MKX: variants seen among roughly 807,000 people sequenced by gnomAD.
MKX encodes the protein mohawk homeobox, also known as homeobox protein Mohawk.
In MKX, 13 loss-of-function variants were observed where a neutral mutation model predicts 36.0. The observed-to-expected ratio is 0.36, with a 90% CI of 0.24 to 0.57. MKX has a LOEUF of 0.57. Ranked by LOEUF, MKX falls within the 20% of genes least tolerant of loss-of-function variation. MKX has a pLI of 0.79. For missense variants in MKX, 458 were observed against 456.4 expected (o/e 1.00, Z -0.03); for synonymous variants, 176 against 178.3 (o/e 0.99, Z 0.10).
chr10:27,692,729 T>G (rs1836477502), intron 5 of MKX, among the ~76,000 whole-genome samples: 1 of 152,230 alleles, frequency 6.6e-6, no homozygotes, highest in Admixed American at 6.5e-5. Context: ...TAGTTTCTGC[T>G]GCTCTTGGAA....
chr10:27,694,843 T>G (rs1207707559), intron 5 of MKX, among the ~76,000 whole-genome samples: 2 of 150,316 alleles, frequency 1.3e-5, no homozygotes, highest in African/African-American at 4.9e-5. Flanking sequence ...TACACAAGAG[T>G]AAACAGACTA....
At chr10:27,731,092 C>A (rs1230452473) in intron 5 of MKX, among the ~76,000 whole-genome samples, 2 of 148,756 alleles carry the variant, frequency 1.3e-5, no homozygotes, top group African/African-American at 5.0e-5. Context: ...CGAGATCGTG[C>A]CACTGCACTC....
At chr10:27,740,941 G>T (rs1834878754) in intron 3 of MKX, among the ~76,000 whole-genome samples, 1 of 152,092 alleles carries the variant, frequency 6.6e-6, no homozygotes, top group African/African-American at 2.4e-5. Flanking sequence ...TCAAAGTGGG[G>T]TTCCTCCCTA....
chr10:27,730,611 C>T (rs188816745), intron 5 of MKX, among the ~76,000 whole-genome samples: 2 of 151,860 alleles, frequency 1.3e-5, no homozygotes, highest in African/African-American at 4.8e-5. Flanking sequence ...GCGCCTCCCA[C>T]CACGCTCAGC....
At chr10:27,704,975 G>A (rs936712995) in intron 5 of MKX, among the ~76,000 whole-genome samples, 2 of 152,066 alleles carry the variant, frequency 1.3e-5, no homozygotes, top group African/African-American at 2.4e-5. Flanking sequence ...TCCATAAAGA[G>A]CTGTTCAAAT....
chr10:27,740,137 C>G (rs1183947269), intron 3 of MKX, among the ~76,000 whole-genome samples: 2 of 152,208 alleles, frequency 1.3e-5, no homozygotes, highest in Non-Finnish European at 1.5e-5. Flanking sequence ...GTATTGATAG[C>G]CTGACAATAA....
At chr10:27,682,429 C>G (rs1836269847) in intron 5 of MKX, among the ~76,000 whole-genome samples, 1 of 152,084 alleles carries the variant, frequency 6.6e-6, no homozygotes, top group Non-Finnish European at 1.5e-5. Context: ...AGAGTAATGT[C>G]CTAGGCCTTC....
chr10:27,700,853 T>C (rs1324343642), intron 5 of MKX, among the ~76,000 whole-genome samples: 2 of 152,234 alleles, frequency 1.3e-5, no homozygotes, highest in Non-Finnish European at 2.9e-5. Context: ...TTCATTTTAA[T>C]TTATACAATA....
intron 5 of MKX, among the ~76,000 whole-genome samples, chr10:27,677,449 C>T (rs541329830): frequency 1.3e-5 from 2 of 152,288 alleles, no homozygotes; most frequent in African/African-American, 4.8e-5. Flanking sequence ...ATAACGTCAA[C>T]ATGATCGTCA....
At chr10:27,706,067 T>C (rs1376100015) in intron 5 of MKX, among the ~76,000 whole-genome samples, 1 of 151,822 alleles carries the variant, frequency 6.6e-6, no homozygotes, top group Non-Finnish European at 1.5e-5. Context: ...GTGACCACCA[T>C]TTTTTTTCTG....
At position 27,686,394 on chromosome 10, in the gene MKX, A is replaced by AAAGGAAGG. The variant is rs199641003; in HGVS notation, c.839-10848_839-10841dup. ...AAAGAAAGGGAAGGGAAGGGAAGGG[A>AAAGGAAGG]AAGGAAGGAAGGAAGGAAGGAAGGA... On this transcript the variant is annotated intron_variant, in intron 5 of 6. Transcript: ENST00000419761. Among the ~76,000 whole-genome samples the AAAGGAAGG allele has an allele frequency of 7.0e-3, 863 of 122,958 alleles. 1 individual carries two copies. The highest frequency in any genetic ancestry group is 0.021 in the African/African-American group (561 of 26,600). The allele number at this position is 122,958 out of a possible 152,430, so 80.7% of individuals were successfully genotyped here. A position where few individuals can be genotyped will look rare whatever the true frequency, so the allele number is the denominator to read the frequency against.
intron 5 of MKX, among the ~76,000 whole-genome samples, chr10:27,692,022 A>G (rs980608903): frequency 1.3e-5 from 2 of 152,186 alleles, no homozygotes; most frequent in Admixed American, 1.3e-4. Flanking sequence ...ATACAAATGC[A>G]TGTGTCTTTT....
rs72629774 is a variant in MKX at position 27,706,026 on chromosome 10, C to A, written c.838+28430G>T. On this transcript the variant is annotated intron_variant, in intron 5 of 6. Transcript: ENST00000419761. Reference sequence around the variant, plus strand: ...TGAAACTTGATATTCATTAAACTATCACTCCTCATTCCTCCCTCCCCCAGC... The same window carrying A: ...TGAAACTTGATATTCATTAAACTATAACTCCTCATTCCTCCCTCCCCCAGC... Among the ~76,000 whole-genome samples, 2,342 of 152,204 alleles carry A rather than the reference C, an allele frequency of 0.015. 158 individuals are homozygous for A. In the East Asian group the frequency reaches 0.2, roughly 13 times the overall value.
chr10:27,729,174 T>C (rs1376018533), intron 5 of MKX, among the ~76,000 whole-genome samples: 1 of 152,246 alleles, frequency 6.6e-6, no homozygotes, highest in African/African-American at 2.4e-5. Flanking sequence ...AGAGGGATTT[T>C]AGAGAGTGTA....
At position 27,743,291 on chromosome 10, in the gene MKX, T is replaced by C; in HGVS notation, c.125A>G (p.Glu42Gly). 1 of 1,552,330 alleles carries C rather than the reference T, an allele frequency of 6.4e-7. No homozygotes were observed. The highest frequency in any genetic ancestry group is 1.2e-5 in the South Asian group (1 of 81,554). ...GVLDSPHARP[E>G]VGIPDGPPLK... ...GGGCGGGCCGTCGGGAATGCCCACC[T>C]CGGGGCGGGCGTGAGGACTGTCCAG... Residue 42 changes from glutamate to glycine, a missense_variant, in exon 2 of 7, where the codon GAG becomes GGG. Physicochemically the swap from Glu to Gly is moderately conservative, Grantham distance 98 (BLOSUM62 -2). Transcript: ENST00000419761.
intron 3 of MKX, among the ~76,000 whole-genome samples, chr10:27,735,649 G>C (rs971327262): frequency 6.6e-6 from 1 of 152,172 alleles, no homozygotes; most frequent in Non-Finnish European, 1.5e-5. Flanking sequence ...AGAGAAGTAG[G>C]AGGGTATACA....
chr10:27,687,708 A>T (rs978244060), intron 5 of MKX, among the ~76,000 whole-genome samples: 2 of 152,232 alleles, frequency 1.3e-5, no homozygotes, highest in African/African-American at 4.8e-5. Context: ...CATTCAGCAT[A>T]GTCCCACTTT....
chr10:27,692,934 T>C (rs1236371201), intron 5 of MKX, among the ~76,000 whole-genome samples: 1 of 152,200 alleles, frequency 6.6e-6, no homozygotes, highest in Non-Finnish European at 1.5e-5. Flanking sequence ...GGCGAACAGC[T>C]TGGCCACTGC....
intron 5 of MKX, among the ~76,000 whole-genome samples, 181 bp from the exon 6 acceptor site, chr10:27,675,735 GAAGT>G (rs1233314924): frequency 6.6e-6 from 1 of 152,188 alleles, no homozygotes; most frequent in Admixed American, 6.5e-5. Context: ...CAAAGGGGCA[GAAGT>G]AAGATGACAG....
Sources: gnomAD v4.1 joint callset for allele counts (sites outside exome capture counted in the v4.1 genomes callset) on GRCh38, gnomAD v4.1.1 for gene constraint, MANE v1.5 for transcripts, NCBI Gene and HGNC (gene_info 2026-07-23, HGNC 2026-07-21) for gene names.